The following KCNC4 variants were observed in gnomAD, a reference collection of about 807,000 sequenced individuals.
The protein encoded by KCNC4 is potassium voltage-gated channel subfamily C member 4.
KCNC4 carries 23 observed loss-of-function variants against 42.8 expected under a neutral mutation model. The observed-to-expected ratio is 0.54, with a 90% CI of 0.39 to 0.76. The LOEUF (loss-of-function observed/expected upper bound fraction) is 0.76, where lower values mean the gene tolerates loss of function less well. Ranked by LOEUF, KCNC4 falls within the 30% of genes least tolerant of loss-of-function variation. The pLI, the probability that KCNC4 is intolerant of heterozygous loss-of-function variation, is 0.00. For missense variants in KCNC4, 751 were observed against 898.2 expected (o/e 0.84, Z 2.10); for synonymous variants, 422 against 393.5 (o/e 1.07, Z -0.86).
intron 1 of KCNC4, among the ~76,000 whole-genome samples, chr1:110,214,066 C>G (rs1278525937): frequency 6.6e-6 from 1 of 152,188 alleles, no homozygotes; most frequent in Non-Finnish European, 1.5e-5. Flanking sequence ...TGCTGAATGG[C>G]CAAGCCAGGG....
downstream of KCNC4, chr1:110,235,007 T>C (rs371129847): frequency 6.6e-6 from 1 of 152,390 alleles, no homozygotes; most frequent in South Asian, 2.1e-4. Context: ...ATATGACATA[T>C]AGTAGCGGCA....
chr1:110,264,975 G>A (rs1659511798), intron 1 of KCNC4, among the ~76,000 whole-genome samples: 4 of 116,230 alleles, frequency 3.4e-5, no homozygotes, highest in South Asian at 5.5e-4. Flanking sequence ...TCAACTACTC[G>A]GAGGCTGGGG....
chr1:110,265,732 G>C (rs552738526), intron 1 of KCNC4, among the ~76,000 whole-genome samples: 1 of 152,322 alleles, frequency 6.6e-6, no homozygotes, highest in South Asian at 2.1e-4. Context: ...CCTTGGAGGT[G>C]GGTAGGACAG....
At chr1:110,217,822 A>G (rs628594) in intron 1 of KCNC4, among the ~76,000 whole-genome samples, 99,994 of 151,978 alleles carry the variant, frequency 0.66, 33,897 homozygotes, top group African/African-American at 0.8. Flanking sequence ...CGGGCCCTCA[A>G]CCAGGAGCCA....
intron 1 of KCNC4, among the ~76,000 whole-genome samples, chr1:110,281,589 CAT>C: frequency 6.6e-6 from 1 of 151,672 alleles, no homozygotes; most frequent in Non-Finnish European, 1.5e-5. Flanking sequence ...CACACACACA[CAT>C]ACTGCACTTA....
chr1:110,248,709 T>C (rs535695347), exon 4 of KCNC4: 2 of 152,396 alleles, frequency 1.3e-5, no homozygotes, highest in South Asian at 2.1e-4. Flanking sequence ...TGTTTCTAAC[T>C]TTTTGGAAAT....
At chr1:110,226,711 G>A (rs1658418434) in intron 3 of KCNC4, among the ~76,000 whole-genome samples, 2 of 152,248 alleles carry the variant, frequency 1.3e-5, no homozygotes, top group South Asian at 2.1e-4. Flanking sequence ...CCTAGAGGGT[G>A]ACTGTCCTCT....
chr1:110,250,430 A>T (rs1440168285), downstream of KCNC4, among the ~76,000 whole-genome samples: 1 of 152,138 alleles, frequency 6.6e-6, no homozygotes, highest in Non-Finnish European at 1.5e-5. Flanking sequence ...CAGGCCTTTG[A>T]GTTGCTTAGA....
intron 1 of KCNC4, among the ~76,000 whole-genome samples, chr1:110,274,000 C>A (rs899395464): frequency 6.6e-6 from 1 of 151,916 alleles, no homozygotes; most frequent in African/African-American, 2.4e-5. Context: ...AGCAATCAGG[C>A]AACAGAAAGA....
At chr1:110,270,204 T>G (rs148631286) in intron 1 of KCNC4, among the ~76,000 whole-genome samples, 4 of 152,310 alleles carry the variant, frequency 2.6e-5, no homozygotes, top group Non-Finnish European at 5.9e-5. Flanking sequence ...GTTGAAGTCA[T>G]GCCGCCCTCA....
At position 110,211,235 on chromosome 1, in the gene KCNC4, A is replaced by C. The variant is rs1032660742; in HGVS notation, c.-265A>C. ...GGGGACCGCGTGTGTGCTTGCTTCTACTTCCCCGGGTCCTCCCTCTCTGCG... is the reference window on the plus strand; with the variant it reads ...GGGGACCGCGTGTGTGCTTGCTTCTCCTTCCCCGGGTCCTCCCTCTCTGCG... On this transcript the variant is annotated 5_prime_UTR_variant, in exon 1 of 4. Transcript: ENST00000438661. This position sits in a 1 kb window ranked among gnomAD's most constrained non-coding sequence, Gnocchi z 6.5. 2.0e-6 allele frequency: 1 copy of C among 497,626 alleles called. No homozygotes were observed. The highest frequency in any genetic ancestry group is 3.5e-5 in the East Asian group (1 of 28,974). 30.8% of individuals were successfully genotyped at this position (497,626 alleles called of 1,614,324 possible). A position where few individuals can be genotyped will look rare whatever the true frequency, so the allele number is the denominator to read the frequency against.
At chr1:110,216,276 G>A (rs1449861605) in intron 1 of KCNC4, among the ~76,000 whole-genome samples, 1 of 152,228 alleles carries the variant, frequency 6.6e-6, no homozygotes, top group Admixed American at 6.5e-5. Context: ...CTGAGCTAGG[G>A]TGAACCAGGA....
At chr1:110,259,680 G>T (rs531971120) in intron 1 of KCNC4, among the ~76,000 whole-genome samples, 2 of 131,902 alleles carry the variant, frequency 1.5e-5, no homozygotes, top group East Asian at 2.1e-4. Context: ...GAAAAGGAAA[G>T]CTCTATGCTA....
In KCNC4 at chr1:110,211,537, G is replaced by T. The variant is rs1320278912; in HGVS notation, c.38G>T (p.Arg13Leu). The change falls in exon 1 of 4, where the codon CGC becomes CTC. Residue 13 changes from arginine (R) to leucine (L), a missense_variant. Around this residue, in one of 4 missense-constraint regions of KCNC4, gnomAD observed 183 missense variants for 255.8 expected, o/e 0.72. Transcript: ENST00000438661. This position sits in a 1 kb window ranked among gnomAD's most constrained non-coding sequence, Gnocchi z 6.5. ...SSVCVSSYRGRKSGNKPPSKT... is the reference protein window; with the variant it reads ...SSVCVSSYRGLKSGNKPPSKT... ...GTGTGTGTCTCCTCCTACCGCGGGCGCAAGTCGGGGAACAAGCCTCCGTCC... is the reference window on the plus strand; with the variant it reads ...GTGTGTGTCTCCTCCTACCGCGGGCTCAAGTCGGGGAACAAGCCTCCGTCC... 2 of 1,614,026 alleles carry T rather than the reference G, an allele frequency of 1.2e-6. No individual in the cohort carries two copies. The highest frequency in any genetic ancestry group is 2.2e-5 in the East Asian group (1 of 44,870).
intron 1 of KCNC4, among the ~76,000 whole-genome samples, chr1:110,215,820 G>C (rs373636177): frequency 6.6e-6 from 1 of 152,172 alleles, no homozygotes; most frequent in African/African-American, 2.4e-5. Flanking sequence ...TCTCAAGGTC[G>C]CACCACTTGT....
At chr1:110,229,837 C>A (rs992967940) in intron 3 of KCNC4, among the ~76,000 whole-genome samples, 2 of 152,156 alleles carry the variant, frequency 1.3e-5, no homozygotes, top group African/African-American at 4.8e-5. Flanking sequence ...CAAGACGTTT[C>A]CTCTTTCACC....
At position 110,279,746 on chromosome 1, in the gene KCNC4, A is replaced by AT. The variant is rs370884820; in HGVS notation, n.31-2778dup. Among the ~76,000 whole-genome samples, 1,028 of 142,884 alleles carry AT rather than the reference A, an allele frequency of 7.2e-3. 15 individuals are homozygous for AT. Among genetic ancestry groups the AT allele is most frequent in the African/African-American group, 0.025 (970 of 38,664 alleles). The allele number at this position is 142,884 out of a possible 152,430, so 93.7% of individuals were successfully genotyped here. On this transcript the variant is annotated intron_variant and non_coding_transcript_variant, in intron 1 of 2. Transcript: ENST00000412512. ...GTACCTGTGTCACTTCTCCATGTTAATTTTTTTTTTATTATCCCCTTCCTG... is the reference window on the plus strand; with the variant it reads ...GTACCTGTGTCACTTCTCCATGTTAATTTTTTTTTTTATTATCCCCTTCCTG...
In KCNC4 at chr1:110,211,423, C is replaced by T; in HGVS notation, c.-77C>T. 6.7e-7 allele frequency: 1 copy of T among 1,501,104 alleles called. No homozygotes were observed. The highest frequency in any genetic ancestry group is 8.9e-7 in the Non-Finnish European group (1 of 1,120,946). 93.0% of individuals were successfully genotyped at this position (1,501,104 alleles called of 1,614,324 possible). A position where few individuals can be genotyped will look rare whatever the true frequency, so the allele number is the denominator to read the frequency against. ...CTCCTCTTCGTCTCCTCCCCCTCCC[C>T]CGTCTGACGCTGCCTCCTCGGGAAG... On this transcript the variant is annotated 5_prime_UTR_variant, in exon 1 of 4. Transcript: ENST00000438661. The surrounding 1 kb of genome is among the most constrained non-coding windows in gnomAD (Gnocchi z 6.5).
chr1:110,262,762 C>T (rs1342579042), intron 1 of KCNC4, among the ~76,000 whole-genome samples: 1 of 152,182 alleles, frequency 6.6e-6, no homozygotes. Context: ...CAAGGTACTT[C>T]TTAGGTCCCA....
Sources: allele counts gnomAD v4.1 joint callset (sites outside exome capture counted in the v4.1 genomes callset), GRCh38; gene constraint gnomAD v4.1.1; regional missense constraint gnomAD v4.1.1; non-coding constraint Gnocchi (gnomAD v3.1); transcripts MANE v1.5; gene names NCBI Gene and HGNC (gene_info 2026-07-23, HGNC 2026-07-21).